BMP2K: variants seen among roughly 807,000 people sequenced by gnomAD.
BMP2K encodes BMP-2-inducible protein kinase.
In BMP2K, 74 loss-of-function variants were observed where a neutral mutation model predicts 116.0. The ratio of observed to expected loss-of-function variants is 0.64; its 90% CI spans 0.53 to 0.77. BMP2K has a LOEUF of 0.77. Among genes scored for constraint, BMP2K ranks in the 30% least tolerant of loss-of-function variants. BMP2K has a pLI of 0.00. For synonymous variants in BMP2K, 486 were observed against 502.5 expected, an observed-to-expected ratio of 0.97 and a Z score of 0.44; for missense variants, 1,365 against 1,403.6, an observed-to-expected ratio of 0.97 and a Z score of 0.44.
At chr4:78,881,326 A>G (rs1174566876) in intron 14 of BMP2K, among the ~76,000 whole-genome samples, 2 of 152,170 alleles carry the variant, frequency 1.3e-5, no homozygotes, top group Non-Finnish European at 2.9e-5. Context: ...TTAACAGTCA[A>G]ATTAGAAGGG....
At chr4:78,841,546 CTT>C (rs2110020991) in intron 3 of BMP2K, among the ~76,000 whole-genome samples, 1 of 152,206 alleles carries the variant, frequency 6.6e-6, no homozygotes, top group South Asian at 2.1e-4. Context: ...CATTTTGACT[CTT>C]TTGATTCCCC....
intron 14 of BMP2K, chr4:78,879,319 A>G: frequency 1.0e-6 from 1 of 993,360 alleles, no homozygotes; most frequent in Non-Finnish European, 1.2e-6. Context: ...GAAAGAAAAC[A>G]TGGGCTACTA....
intron 10 of BMP2K, among the ~76,000 whole-genome samples, chr4:78,868,394 C>A (rs904742573): frequency 1.1e-4 from 16 of 152,184 alleles, no homozygotes; most frequent in Non-Finnish European, 2.4e-4. Context: ...CATGGGAATT[C>A]TGTGAGATAC....
chr4:78,859,328 A>G (rs990004486), intron 7 of BMP2K: 3 of 288,520 alleles, frequency 1.0e-5, no homozygotes, highest in Admixed American at 5.1e-5. Context: ...CACTTTTTCA[A>G]TAGAATAATC....
Position 78,829,773 on chromosome 4 carries a change from T to TC in BMP2K, c.297+3618_297+3619insC, listed in dbSNP as rs1730073814. On this transcript the variant is annotated intron_variant, in intron 2 of 15. Transcript: ENST00000502613. Reference sequence around the variant, plus strand: ...AAACAATCTTTTCTTTTCTTTTCTTTTCTTTTCTTTTCTTTTCTCTTCTCT... The same window carrying TC: ...AAACAATCTTTTCTTTTCTTTTCTTTCTCTTTTCTTTTCTTTTCTCTTCTCT... Among the ~76,000 whole-genome samples the TC allele has an allele frequency of 7.6e-5, 8 of 105,218 alleles. 1 individual carries two copies. The highest frequency in any genetic ancestry group is 3.9e-4 in the African/African-American group (8 of 20,348). The allele number at this position is 105,218 out of a possible 152,430, so 69.0% of individuals were successfully genotyped here.
Position 78,911,325 on chromosome 4 carries a change from C to T in BMP2K, c.2778C>T (p.Pro926=), listed in dbSNP as rs1734585024. ...GPEAHTIPGY[P]KSVDVFGSTP... is the part of the protein sequence containing the mutation. Reference sequence around the variant, plus strand: ...AGGCACATACTATCCCTGGTTATCCCAAAAGTGTAGATGTATTTGGCTCCA... The same window carrying T: ...AGGCACATACTATCCCTGGTTATCCTAAAAGTGTAGATGTATTTGGCTCCA... Residue 926 remains proline, a synonymous_variant, in exon 16 of 16, where the codon CCC becomes CCT. Transcript: ENST00000502613. 2.5e-6 allele frequency: 4 copies of T among 1,613,874 alleles called. No homozygotes were observed. The highest frequency in any genetic ancestry group is 2.5e-6 in the Non-Finnish European group (3 of 1,179,850).
chr4:78,782,447 G>A (rs938702551), intron 1 of BMP2K, among the ~76,000 whole-genome samples: 1 of 152,172 alleles, frequency 6.6e-6, no homozygotes, highest in African/African-American at 2.4e-5. Context: ...AATGGTGCTT[G>A]ATTTTTTTAT....
chr4:78,842,964 T>A (rs1159439731), intron 4 of BMP2K, among the ~76,000 whole-genome samples: 1 of 152,014 alleles, frequency 6.6e-6, no homozygotes, highest in African/African-American at 2.4e-5. Flanking sequence ...TCTATTTCTT[T>A]ATAATTTGGT....
intron 1 of BMP2K, among the ~76,000 whole-genome samples, chr4:78,795,057 G>A (rs763014592): frequency 2.6e-5 from 4 of 152,176 alleles, no homozygotes; most frequent in Non-Finnish European, 5.9e-5. Context: ...CTAAAACAAT[G>A]AAATTTCAGG....
At chr4:78,837,337 G>C (rs921349326) in intron 3 of BMP2K, among the ~76,000 whole-genome samples, 3 of 152,002 alleles carry the variant, frequency 2.0e-5, no homozygotes, top group Non-Finnish European at 2.9e-5. Context: ...TGGGATTACA[G>C]GTGTGCACCA....
rs538156711 is a variant in BMP2K, at chr4:78,910,160, G to A, written c.2063-450G>A. ...TTTAAAAAAATAGTGAAACAAATAC[G>A]TAACTGAGCAGGCAGGCTGTTCATG... On this transcript the variant is annotated intron_variant, in intron 15 of 15. Coordinates refer to ENST00000502613, the MANE Select transcript of BMP2K (RefSeq NM_198892.2). 1.1e-4 allele frequency among the ~76,000 whole-genome samples: 16 copies of A among 152,282 alleles called. No individual in the cohort carries two copies. The East Asian group carries it at 1.5e-3, about 15-fold the overall frequency.
chr4:78,820,471 G>A (rs1170087550), intron 1 of BMP2K, among the ~76,000 whole-genome samples: 1 of 152,102 alleles, frequency 6.6e-6, no homozygotes, highest in African/African-American at 2.4e-5. Flanking sequence ...CAAGTTTGAT[G>A]TGTGTGTGAA....
intron 15 of BMP2K, among the ~76,000 whole-genome samples, chr4:78,890,889 G>A (rs1305747331): frequency 1.3e-5 from 2 of 152,156 alleles, no homozygotes; most frequent in Non-Finnish European, 2.9e-5. Context: ...ATGCATGAGA[G>A]GAAGTTCTAA....
intron 1 of BMP2K, among the ~76,000 whole-genome samples, chr4:78,780,209 A>C (rs939587816): frequency 6.6e-6 from 1 of 152,166 alleles, no homozygotes; most frequent in East Asian, 1.9e-4. Flanking sequence ...CCTTGGTACA[A>C]AATGGACCTA....
At chr4:78,888,305 T>C (rs1733214051) in intron 15 of BMP2K, among the ~76,000 whole-genome samples, 1 of 152,228 alleles carries the variant, frequency 6.6e-6, no homozygotes, top group African/African-American at 2.4e-5. Flanking sequence ...CATAGCTTAC[T>C]GTGTCTGTTT....
chr4:78,793,865 GTT>G (rs773906998), intron 1 of BMP2K, among the ~76,000 whole-genome samples: 1 of 148,914 alleles, frequency 6.7e-6, no homozygotes, highest in Non-Finnish European at 1.5e-5. Context: ...TAATTTTACA[GTT>G]TTTTTTTTAC....
chr4:78,782,502 G>A (rs566947817), intron 1 of BMP2K, among the ~76,000 whole-genome samples: 1 of 152,230 alleles, frequency 6.6e-6, no homozygotes, highest in East Asian at 1.9e-4. Context: ...GGCCTAATTT[G>A]CAAATTGAAG....
At chr4:78,837,014 C>G (rs1402554931) in intron 3 of BMP2K, among the ~76,000 whole-genome samples, 1 of 152,000 alleles carries the variant, frequency 6.6e-6, no homozygotes, top group Non-Finnish European at 1.5e-5. Flanking sequence ...TTTCTGTTCT[C>G]TTACTGGACT....
At chr4:78,807,049 G>GA (rs1728857812) in intron 1 of BMP2K, among the ~76,000 whole-genome samples, 2 of 151,628 alleles carry the variant, frequency 1.3e-5, no homozygotes, top group Admixed American at 1.3e-4. Context: ...ATGGGGTTTA[G>GA]CCATGTTGGC....
Sources: gnomAD v4.1 joint callset for allele counts (sites outside exome capture counted in the v4.1 genomes callset) on GRCh38, gnomAD v4.1.1 for gene constraint, MANE v1.5 for transcripts, NCBI Gene and HGNC (gene_info 2026-07-23, HGNC 2026-07-21) for gene names.